SHANK2: variants seen among roughly 807,000 people sequenced by gnomAD.
The protein encoded by SHANK2 is SH3 and multiple ankyrin repeat domains protein 2.
In SHANK2, 43 loss-of-function variants were observed where a neutral mutation model predicts 133.7. That is an observed-to-expected ratio of 0.32 (90% CI 0.25 to 0.41). SHANK2 has a LOEUF of 0.41. Among genes scored for constraint, SHANK2 ranks in the 10% least tolerant of loss-of-function variants. SHANK2 has a pLI of 1.00. For synonymous variants in SHANK2, 1,017 were observed against 952.8 expected (o/e 1.07, Z -1.24); for missense variants, 1,994 against 2,235.8 (o/e 0.89, Z 2.18).
intron 25 of SHANK2, among the ~76,000 whole-genome samples, chr11:70,480,384 G>A (rs1223654837): frequency 6.6e-6 from 1 of 152,214 alleles, no homozygotes; most frequent in African/African-American, 2.4e-5. Context: ...CTTTCTGCAT[G>A]TGGTCAGGGT....
At chr11:70,799,463 C>G (rs1489286566) in intron 13 of SHANK2, among the ~76,000 whole-genome samples, 1 of 152,180 alleles carries the variant, frequency 6.6e-6, no homozygotes, top group African/African-American at 2.4e-5. Flanking sequence ...CACGAATCAT[C>G]TGACAATGGT....
intron 11 of SHANK2, among the ~76,000 whole-genome samples, chr11:70,877,681 C>A (rs1236588811): frequency 6.6e-6 from 1 of 152,118 alleles, no homozygotes; most frequent in Non-Finnish European, 1.5e-5. Context: ...TGGTTGATAC[C>A]CAAAGCCATG....
chr11:71,089,682 C>A (rs895014489), intron 8 of SHANK2, among the ~76,000 whole-genome samples: 1 of 152,098 alleles, frequency 6.6e-6, no homozygotes, highest in East Asian at 1.9e-4. Flanking sequence ...GTGGGTCAGG[C>A]GTGAAGAGGC....
At chr11:70,903,378 A>G (rs1378038421) in intron 10 of SHANK2, among the ~76,000 whole-genome samples, 2 of 147,644 alleles carry the variant, frequency 1.4e-5, no homozygotes, top group East Asian at 2.0e-4. Flanking sequence ...CTCTGTCTCA[A>G]AATAAAATAA....
chr11:70,611,403 A>G (rs1554994157), intron 17 of SHANK2, among the ~76,000 whole-genome samples: 9 of 152,042 alleles, frequency 5.9e-5, no homozygotes, highest in Non-Finnish European at 1.3e-4. Context: ...TCGTCACTCC[A>G]GCCAGAGCCC....
chr11:70,850,937 G>C (rs1457588318), intron 11 of SHANK2, among the ~76,000 whole-genome samples: 2 of 152,160 alleles, frequency 1.3e-5, no homozygotes, highest in African/African-American at 4.8e-5. Context: ...TTTAAAATGG[G>C]CTCACGGCCA....
Position 70,774,212 on chromosome 11 carries a change from C to T in SHANK2, c.1777+24231G>A, listed in dbSNP as rs553537058. Among the ~76,000 whole-genome samples the T allele has an allele frequency of 3.5e-4, 53 of 152,252 alleles. 1 individual carries two copies. In the South Asian group the frequency reaches 0.011, roughly 30 times the overall value. ...ACTAAAAGAAGCTGGTCATAAAGGA[C>T]CCCACATGGATGATCCCATTACATG... is the stretch of plus-strand genomic sequence containing the variant. On this transcript the variant is annotated intron_variant, in intron 14 of 25. Transcript: ENST00000601538.
intron 10 of SHANK2, chr11:70,942,980 G>A (rs1182669540): frequency 8.9e-6 from 4 of 448,874 alleles, no homozygotes; most frequent in Admixed American, 2.4e-5. Context: ...TTTAGCTTGG[G>A]AGACTTATGC....
intron 3 of SHANK2, among the ~76,000 whole-genome samples, chr11:71,144,625 C>T (rs547406487): frequency 6.6e-6 from 1 of 151,982 alleles, no homozygotes; most frequent in Non-Finnish European, 1.5e-5. Flanking sequence ...GCTTAGTTTA[C>T]CCCTAAATGA....
intron 17 of SHANK2, among the ~76,000 whole-genome samples, chr11:70,595,164 G>C (rs1016180442): frequency 3.3e-5 from 5 of 152,122 alleles, no homozygotes; most frequent in African/African-American, 9.7e-5. Flanking sequence ...AAAAACCCAG[G>C]CTGGCCCCTC....
rs1050313737 is a variant in SHANK2, at chr11:71,082,413, G to A, written c.913-7138C>T. 1.5e-3 allele frequency among the ~76,000 whole-genome samples: 235 copies of A among 152,294 alleles called. 1 individual carries two copies. In the East Asian group the frequency reaches 0.03, roughly 19 times the overall value. ...AGTGATCGCCTCAGCACCTGGACAC[G>A]GTGGGTACCACAGTACACTAGAAAA... is the stretch of plus-strand genomic sequence containing the variant. On this transcript the variant is annotated intron_variant, in intron 8 of 25. Transcript: ENST00000601538.
At chr11:71,165,112 C>T (rs1392583189) in intron 2 of SHANK2, among the ~76,000 whole-genome samples, 2 of 151,332 alleles carry the variant, frequency 1.3e-5, no homozygotes. Flanking sequence ...CGGTTCATTG[C>T]AACCTCCACC....
intron 17 of SHANK2, among the ~76,000 whole-genome samples, chr11:70,508,034 G>C (rs1554968705): frequency 2.0e-5 from 3 of 152,200 alleles, no homozygotes; most frequent in Admixed American, 6.5e-5. Context: ...ATTCTGCCGA[G>C]AGGGCACAGG....
intron 11 of SHANK2, among the ~76,000 whole-genome samples, chr11:70,846,148 GGGTGCC>G (rs1370530510): frequency 6.6e-6 from 1 of 152,200 alleles, no homozygotes; most frequent in Non-Finnish European, 1.5e-5. Context: ...CAGCTAAAGA[GGGTGCC>G]GGTGGTGGGG....
In SHANK2 at chr11:70,500,896, GGGA is replaced by G; in HGVS notation, c.2288-309_2288-307del. ...GTCCCACCAGCACCCTGCCAAAGTA[GGGA>G]GGAGTTCTCAGAGCAGACATGAGCA... On this transcript the variant is annotated intron_variant, in intron 20 of 25. Transcript: ENST00000601538. The surrounding 1 kb of genome is among the most constrained non-coding windows in gnomAD (Gnocchi z 4.5). 1 of 643,532 alleles carries G rather than the reference GGGA, an allele frequency of 1.6e-6. No individual in the cohort carries two copies. Among genetic ancestry groups the G allele is most frequent in the Non-Finnish European group, 2.9e-6 (1 of 347,282 alleles). 39.9% of individuals were successfully genotyped at this position (643,532 alleles called of 1,614,324 possible). A position where few individuals can be genotyped will look rare whatever the true frequency, so the allele number is the denominator to read the frequency against.
chr11:70,533,152 A>T (rs1248729890), intron 17 of SHANK2, among the ~76,000 whole-genome samples: 1 of 152,240 alleles, frequency 6.6e-6, no homozygotes, highest in African/African-American at 2.4e-5. Flanking sequence ...GGAAATGTCC[A>T]GGAACCGGAA....
At position 70,485,980 on chromosome 11, in the gene SHANK2, A is replaced by G. The variant is rs781890061; in HGVS notation, c.4313T>C (p.Val1438Ala). The G allele has an allele frequency of 4.3e-5, 70 of 1,613,968 alleles. 1 individual carries two copies. In the Admixed American group the frequency reaches 1.1e-3, roughly 26 times the overall value. Residue 1438 changes from valine to alanine, a missense_variant, in exon 25 of 26, where the codon GTG (valine) becomes GCG (alanine). Val to Ala is a moderately conservative substitution (Grantham distance 64, BLOSUM62 0). This residue lies in a region of SHANK2 where 797 missense variants were observed against 907.4 expected (regional missense o/e 0.88). Transcript: ENST00000601538. The surrounding 1 kb of genome is among the most constrained non-coding windows in gnomAD (Gnocchi z 5.8). ...AGGGGTGTCGCTTTTCTTCTGCTTC[A>G]CTAAGTCTGAGAGAGCCGGGACAGA... ...AASVPALSDLVKQKKSDTPQS... is the reference protein window; with the variant it reads ...AASVPALSDLAKQKKSDTPQS...
At chr11:70,675,525 G>A (rs1013586340) in intron 15 of SHANK2, among the ~76,000 whole-genome samples, 2 of 152,178 alleles carry the variant, frequency 1.3e-5, no homozygotes. Flanking sequence ...TTCCTGGCCA[G>A]GTGGGGGCCA....
At chr11:70,669,038 C>T (rs1944740840) in intron 15 of SHANK2, 1 of 152,280 alleles carries the variant, frequency 6.6e-6, no homozygotes, top group South Asian at 2.1e-4. Context: ...TCCTGGCGTT[C>T]TTTCCGGTGA....
Sources: gnomAD v4.1 joint callset for allele counts (sites outside exome capture counted in the v4.1 genomes callset) on GRCh38, gnomAD v4.1.1 for gene constraint, gnomAD v4.1.1 regional missense constraint, Gnocchi (gnomAD v3.1) non-coding constraint, MANE v1.5 for transcripts, NCBI Gene and HGNC (gene_info 2026-07-23, HGNC 2026-07-21) for gene names.